WWOX: variants seen among roughly 807,000 people sequenced by gnomAD.
WWOX encodes the protein WW domain containing oxidoreductase, also known as WW domain-containing oxidoreductase.
In WWOX, 69 loss-of-function variants were observed where a neutral mutation model predicts 46.2. The ratio of observed to expected loss-of-function variants is 1.49; its 90% CI spans 1.23 to 1.82. WWOX has a LOEUF of 1.82. WWOX is among the 40% of genes most tolerant of loss of function. The pLI is 0.00. For synonymous variants in WWOX, 359 were observed against 202.6 expected (o/e 1.77, Z -6.56); for missense variants, 919 against 542.6 (o/e 1.69, Z -6.89).
chr16:78,573,919 C>T (rs765921707), intron 8 of WWOX, among the ~76,000 whole-genome samples: 9 of 152,200 alleles, frequency 5.9e-5, no homozygotes, highest in African/African-American at 7.2e-5. Context: ...GAGTATCAGA[C>T]TTAGCTGGGT....
chr16:78,383,014 C>T (rs72796077), intron 5 of WWOX, among the ~76,000 whole-genome samples: 22,477 of 150,530 alleles, frequency 0.15, 2,092 homozygotes, highest in East Asian at 0.36. Context: ...AGCAGGAGGA[C>T]GAATAGGGGG....
At chr16:78,940,630 A>C (rs1446328727) in intron 8 of WWOX, among the ~76,000 whole-genome samples, 2 of 151,894 alleles carry the variant, frequency 1.3e-5, no homozygotes, top group East Asian at 3.9e-4. Context: ...AATATCCCTA[A>C]ACAGGCATGT....
At chr16:78,874,474 A>G (rs1189913213) in intron 8 of WWOX, among the ~76,000 whole-genome samples, 2 of 151,982 alleles carry the variant, frequency 1.3e-5, no homozygotes, top group African/African-American at 4.8e-5. Context: ...TCAAAAAATT[A>G]TGGACTTGTC....
chr16:78,946,924 C>G (rs978961664), intron 8 of WWOX, among the ~76,000 whole-genome samples: 2 of 152,136 alleles, frequency 1.3e-5, no homozygotes, highest in African/African-American at 4.8e-5. Flanking sequence ...GTTTCCCTTC[C>G]TGGAAGATTG....
chr16:78,776,211 C>A (rs1597590890), intron 8 of WWOX, among the ~76,000 whole-genome samples: 1 of 152,076 alleles, frequency 6.6e-6, no homozygotes, highest in South Asian at 2.1e-4. Context: ...CTAGAAACAA[C>A]TTTTGTGTCT....
chr16:78,467,092 A>G (rs76787879), intron 8 of WWOX, among the ~76,000 whole-genome samples: 6 of 152,210 alleles, frequency 3.9e-5, no homozygotes, highest in African/African-American at 1.2e-4. Context: ...TAATGTATAC[A>G]TTGAAAAATC....
chr16:78,972,793 A>T (rs1319854780), intron 8 of WWOX, among the ~76,000 whole-genome samples: 2 of 152,178 alleles, frequency 1.3e-5, no homozygotes, highest in Admixed American at 1.3e-4. Context: ...AAACATAAAA[A>T]ATGGTTTTTA....
intron 8 of WWOX, among the ~76,000 whole-genome samples, chr16:78,598,453 C>G (rs2045542386): frequency 6.6e-6 from 1 of 152,144 alleles, no homozygotes; most frequent in Non-Finnish European, 1.5e-5. Flanking sequence ...CCCGCCCTGG[C>G]CCCTGTGCAT....
intron 5 of WWOX, among the ~76,000 whole-genome samples, chr16:78,344,063 C>G (rs777981306): frequency 2.5e-5 from 3 of 119,050 alleles, no homozygotes; most frequent in East Asian, 3.9e-4. Context: ...AAGAAATGTT[C>G]CAGAATGCCA....
Position 78,483,966 on chromosome 16 carries a change from G to A in WWOX, c.1056+51214G>A, listed in dbSNP as rs1339066661. On this transcript the variant is annotated intron_variant, in intron 8 of 8. Transcript: ENST00000566780. ...GCCCCTAGTGTGTCTGTTGAAAGATGGGCCCCTTTCAGGAAAATGGCTTAC... is the reference window on the plus strand; with the variant it reads ...GCCCCTAGTGTGTCTGTTGAAAGATAGGCCCCTTTCAGGAAAATGGCTTAC... Among the ~76,000 whole-genome samples the A allele has an allele frequency of 3.9e-5, 6 of 152,088 alleles. No individual in the cohort carries two copies. In the South Asian group the frequency reaches 8.3e-4, roughly 21 times the overall value.
intron 8 of WWOX, among the ~76,000 whole-genome samples, chr16:79,138,531 C>A (rs1258786651): frequency 3.3e-5 from 5 of 152,192 alleles, no homozygotes. Flanking sequence ...GGTTAGAGAA[C>A]ATGGGCCCTG....
intron 5 of WWOX, among the ~76,000 whole-genome samples, chr16:78,293,978 G>GAAAAAAAAAAAAAAAAAA (rs35079271): frequency 6.6e-5 from 2 of 30,320 alleles, no homozygotes; most frequent in Non-Finnish European, 1.3e-4. Context: ...CTCTGTCTCA[G>GAAAAAAAAAAAAAAAAAA]AAAAAAAAAA....
At chr16:78,130,315 T>C (rs2033538390) in intron 4 of WWOX, among the ~76,000 whole-genome samples, 1 of 152,154 alleles carries the variant, frequency 6.6e-6, no homozygotes, top group Non-Finnish European at 1.5e-5. Flanking sequence ...GAAAGGTAGC[T>C]AACTTTCCTT....
At chr16:78,142,916 T>G (rs1276592069) in intron 4 of WWOX, among the ~76,000 whole-genome samples, 4 of 152,252 alleles carry the variant, frequency 2.6e-5, no homozygotes, top group Admixed American at 1.3e-4. Context: ...GAGTCTTACA[T>G]TCACATTTTG....
At chr16:78,380,130 G>T (rs556510609) in intron 5 of WWOX, among the ~76,000 whole-genome samples, 2 of 152,150 alleles carry the variant, frequency 1.3e-5, no homozygotes, top group African/African-American at 4.8e-5. Flanking sequence ...TTGGGCTACC[G>T]GGTTACCAAG....
At chr16:79,175,903 C>G (rs1016526771) in intron 8 of WWOX, among the ~76,000 whole-genome samples, 17 of 152,182 alleles carry the variant, frequency 1.1e-4, no homozygotes, top group African/African-American at 4.1e-4. Context: ...CACCTCTGAG[C>G]TTTTGGTCAT....
intron 8 of WWOX, among the ~76,000 whole-genome samples, chr16:78,920,748 T>G (rs968430497): frequency 6.6e-6 from 1 of 152,168 alleles, no homozygotes; most frequent in African/African-American, 2.4e-5. Flanking sequence ...CAGCACCATT[T>G]CATCTGCAAA....
intron 5 of WWOX, among the ~76,000 whole-genome samples, chr16:78,257,429 C>A (rs1192752078): frequency 6.6e-6 from 1 of 152,146 alleles, no homozygotes; most frequent in South Asian, 2.1e-4. Flanking sequence ...TCCCGTGAGG[C>A]GGTGCAGGCT....
In WWOX at chr16:78,490,064, G is replaced by A. The variant is rs1432426584; in HGVS notation, c.1056+57312G>A. Among the ~76,000 whole-genome samples the A allele has an allele frequency of 2.6e-5, 4 of 151,912 alleles. No individual in the cohort carries two copies. In the South Asian group the frequency reaches 8.3e-4, roughly 32 times the overall value. ...TAACCCTCTGGGGAGACTAATATTA[G>A]TTTATTAGAGACAATTTCTAGTTCT... On this transcript the variant is annotated intron_variant, in intron 8 of 8. Transcript: ENST00000566780.
Sources: allele counts gnomAD v4.1 joint callset (sites outside exome capture counted in the v4.1 genomes callset), GRCh38; gene constraint gnomAD v4.1.1; transcripts MANE v1.5; gene names NCBI Gene and HGNC (gene_info 2026-07-23, HGNC 2026-07-21).